ZFAND3: variants seen among roughly 807,000 people sequenced by gnomAD.
ZFAND3 encodes the protein zinc finger AN1-type containing 3.
In ZFAND3, 10 loss-of-function variants were observed where a neutral mutation model predicts 29.6. That is an observed-to-expected ratio of 0.34 (90% CI 0.21 to 0.57). The LOEUF is 0.57. Among genes scored for constraint, ZFAND3 ranks in the 20% least tolerant of loss-of-function variants. The probability of loss-of-function intolerance (pLI) is 0.86; values close to 1 mark genes in which losing one functional copy is unlikely to be tolerated. For synonymous variants in ZFAND3, 128 were observed against 112.6 expected, an observed-to-expected ratio of 1.14 and a Z score of -0.87; for missense variants, 230 against 304.5, an observed-to-expected ratio of 0.76 and a Z score of 1.82.
At chr6:37,946,290 A>G (rs949639969) in intron 2 of ZFAND3, among the ~76,000 whole-genome samples, 4 of 152,198 alleles carry the variant, frequency 2.6e-5, no homozygotes, top group Admixed American at 2.6e-4. Context: ...TTTATAAGAT[A>G]CTTACCATGA....
intron 1 of ZFAND3, among the ~76,000 whole-genome samples, chr6:37,922,918 C>T (rs1293256880): frequency 6.6e-6 from 1 of 152,142 alleles, no homozygotes. Flanking sequence ...GTTATAAGCA[C>T]TGTACACTTA....
At chr6:38,079,707 C>T (rs1309971338) in intron 3 of ZFAND3, among the ~76,000 whole-genome samples, 1 of 152,114 alleles carries the variant, frequency 6.6e-6, no homozygotes, top group African/African-American at 2.4e-5. Flanking sequence ...GTTATGGGAA[C>T]TTAGTGATCT....
intron 1 of ZFAND3, among the ~76,000 whole-genome samples, chr6:37,909,276 CTTTTTTTTT>C: frequency 7.1e-6 from 1 of 139,890 alleles, no homozygotes. Flanking sequence ...TTCTTTTTTT[CTTTTTTTTT>C]TTTTTCTTTT....
intron 1 of ZFAND3, among the ~76,000 whole-genome samples, chr6:37,874,514 CAAAAAA>C (rs11447694): frequency 3.8e-5 from 3 of 79,796 alleles, no homozygotes; most frequent in Non-Finnish European, 7.0e-5. Flanking sequence ...AACTCCGTCT[CAAAAAA>C]AAAAAAAAAA....
chr6:37,852,557 CCTT>C (rs1394922718), intron 1 of ZFAND3, among the ~76,000 whole-genome samples: 2 of 152,222 alleles, frequency 1.3e-5, no homozygotes, highest in South Asian at 2.1e-4. Flanking sequence ...AAACTCCATG[CCTT>C]CTTATTTCTT....
chr6:38,144,204 T>TATATATTATATA (rs1554183985), intron 5 of ZFAND3, among the ~76,000 whole-genome samples: 1 of 47,052 alleles, frequency 2.1e-5, no homozygotes, highest in Non-Finnish European at 4.4e-5. Context: ...TATATATATA[T>TATATATTATATA]ATATATAATA....
chr6:37,993,744 TA>T (rs898441363), intron 2 of ZFAND3, among the ~76,000 whole-genome samples: 2 of 152,004 alleles, frequency 1.3e-5, no homozygotes, highest in Non-Finnish European at 2.9e-5. Flanking sequence ...GAATTTAAAG[TA>T]AAAAAAAGTT....
At chr6:37,824,152 TATGAAC>T (rs1763717439) in intron 1 of ZFAND3, among the ~76,000 whole-genome samples, 1 of 152,228 alleles carries the variant, frequency 6.6e-6, no homozygotes, top group African/African-American at 2.4e-5. Flanking sequence ...TTAAGTGAAA[TATGAAC>T]ATTTTCTTGG....
intron 3 of ZFAND3, among the ~76,000 whole-genome samples, chr6:38,068,261 A>G (rs1423408124): frequency 6.6e-6 from 1 of 152,186 alleles, no homozygotes; most frequent in Non-Finnish European, 1.5e-5. Flanking sequence ...TTATTCTTTT[A>G]AACAACTGAA....
At chr6:38,143,272 A>G (rs1177715143) in intron 5 of ZFAND3, 4 of 152,226 alleles carry the variant, frequency 2.6e-5, no homozygotes, top group Admixed American at 2.6e-4. Context: ...AACAGTGGTG[A>G]ATTTTTTTAT....
In ZFAND3 at chr6:38,116,662, A is replaced by G; in HGVS notation, c.452A>G (p.Gln151Arg). The stretch of plus-strand genomic sequence containing the variant: ...TCCGAGGAAACCAGTCGATCTAAAC[A>G]GAAGAGTCGACGTCGGTGCTTCCAG... ...ERSEETSRSK[Q>R]KSRRRCFQCQ... Residue 151 changes from glutamine to arginine, a missense_variant, in exon 5 of 6, where the codon CAG becomes CGG. Physicochemically the swap from Gln to Arg is conservative, Grantham distance 43 (BLOSUM62 1). This residue lies in a region of ZFAND3 where 180 missense variants were observed against 202.5 expected (regional missense o/e 0.89). Transcript: ENST00000287218. 2.5e-6 allele frequency: 4 copies of G among 1,614,206 alleles called. No homozygotes were observed. The highest frequency in any genetic ancestry group is 3.4e-6 in the Non-Finnish European group (4 of 1,180,018).
intron 2 of ZFAND3, among the ~76,000 whole-genome samples, chr6:38,042,882 C>G (rs934036061): frequency 6.6e-6 from 1 of 151,530 alleles, no homozygotes; most frequent in Non-Finnish European, 1.5e-5. Context: ...GAGACGTTTC[C>G]CTTTTCAAAT....
chr6:38,050,364 C>G (rs1044006488), intron 2 of ZFAND3, among the ~76,000 whole-genome samples: 1 of 152,090 alleles, frequency 6.6e-6, no homozygotes, highest in Admixed American at 6.5e-5. Flanking sequence ...CCTACCTCAG[C>G]CTTTCTAGTA....
intron 2 of ZFAND3, among the ~76,000 whole-genome samples, chr6:37,961,678 G>T (rs891758370): frequency 2.4e-4 from 36 of 152,230 alleles, no homozygotes; most frequent in Non-Finnish European, 4.6e-4. Context: ...GATTCTATTT[G>T]TTTGGGAGAA....
intron 1 of ZFAND3, among the ~76,000 whole-genome samples, chr6:37,914,672 C>CTTTCTTTT (rs1554157840): frequency 5.3e-5 from 6 of 114,208 alleles, no homozygotes; most frequent in African/African-American, 3.6e-5. Context: ...CTTTTTTTTT[C>CTTTCTTTT]TTTTTTTTTT....
At chr6:37,826,175 T>G (rs1341461485) in intron 1 of ZFAND3, among the ~76,000 whole-genome samples, 1 of 152,180 alleles carries the variant, frequency 6.6e-6, no homozygotes, top group Non-Finnish European at 1.5e-5. Context: ...AGGAAGTGAT[T>G]GGTCTTGACC....
At chr6:37,871,206 T>C (rs1285182225) in intron 1 of ZFAND3, among the ~76,000 whole-genome samples, 1 of 152,248 alleles carries the variant, frequency 6.6e-6, no homozygotes, top group Non-Finnish European at 1.5e-5. Context: ...GATTGAATAG[T>C]ATCTATTCTA....
intron 1 of ZFAND3, among the ~76,000 whole-genome samples, chr6:37,831,692 TAAG>T (rs1446686364): frequency 1.3e-5 from 2 of 151,896 alleles, no homozygotes; most frequent in Non-Finnish European, 2.9e-5. Context: ...ATGAAGATGG[TAAG>T]GAGGGGATTT....
At chr6:37,896,554 C>CTTTCTTTCTTTT (rs1554153844) in intron 1 of ZFAND3, among the ~76,000 whole-genome samples, 1 of 137,698 alleles carries the variant, frequency 7.3e-6, no homozygotes, top group East Asian at 2.1e-4. Context: ...TTCTTTCTTT[C>CTTTCTTTCTTTT]TTTCTTTCTT....
Sources: gnomAD v4.1 joint callset for allele counts (sites outside exome capture counted in the v4.1 genomes callset) on GRCh38, gnomAD v4.1.1 for gene constraint, gnomAD v4.1.1 regional missense constraint, MANE v1.5 for transcripts, NCBI Gene and HGNC (gene_info 2026-07-23, HGNC 2026-07-21) for gene names.